CHST11: variants seen among roughly 807,000 people sequenced by gnomAD.
CHST11 encodes the protein C4S-1.
Under a neutral mutation model 30.4 loss-of-function variants are expected in CHST11, and 9 were observed. The observed-to-expected ratio is 0.30, with a 90% confidence interval of 0.18 to 0.52. CHST11 has a LOEUF of 0.52. Ranked by LOEUF, CHST11 falls within the 20% of genes least tolerant of loss-of-function variation. CHST11 has a pLI of 0.97. For missense variants in CHST11, 348 were observed against 460.6 expected, an observed-to-expected ratio of 0.76 and a Z score of 2.24; for synonymous variants, 152 against 187.8, an observed-to-expected ratio of 0.81 and a Z score of 1.56.
intron 1 of CHST11, among the ~76,000 whole-genome samples, chr12:104,472,585 G>A (rs1488137264): frequency 6.6e-6 from 1 of 152,210 alleles, no homozygotes; most frequent in African/African-American, 2.4e-5. Flanking sequence ...GAAGGATTTA[G>A]GGAATTGCTT....
intron 2 of CHST11, among the ~76,000 whole-genome samples, chr12:104,709,362 C>T (rs2040064503): frequency 6.6e-6 from 1 of 152,204 alleles, no homozygotes. Flanking sequence ...TGGCAGGTGG[C>T]TTTGGGGACA....
At chr12:104,698,288 C>G (rs539350459) in intron 2 of CHST11, among the ~76,000 whole-genome samples, 9 of 152,270 alleles carry the variant, frequency 5.9e-5, no homozygotes, top group African/African-American at 2.2e-4. Flanking sequence ...TCTCCACCTC[C>G]TCACCCACAT....
intron 1 of CHST11, among the ~76,000 whole-genome samples, chr12:104,524,912 AT>A (rs1265576119): frequency 2.0e-5 from 3 of 152,178 alleles, no homozygotes; most frequent in Non-Finnish European, 2.9e-5. Context: ...GCATGCAACC[AT>A]TGTAACACTT....
chr12:104,689,339 T>C (rs1026973835), intron 2 of CHST11, among the ~76,000 whole-genome samples: 1 of 152,222 alleles, frequency 6.6e-6, no homozygotes, highest in Non-Finnish European at 1.5e-5. Context: ...GCTTTTTCCA[T>C]GGCCAAGGAT....
chr12:104,540,208 T>C (rs1361034373), intron 1 of CHST11, among the ~76,000 whole-genome samples: 4 of 152,152 alleles, frequency 2.6e-5, no homozygotes, highest in East Asian at 1.9e-4. Flanking sequence ...GTGGAACCCA[T>C]GAATGTGGAA....
At chr12:104,525,106 CTTT>C (rs36113644) in intron 1 of CHST11, among the ~76,000 whole-genome samples, 12 of 139,878 alleles carry the variant, frequency 8.6e-5, no homozygotes, top group South Asian at 2.3e-4. Context: ...TTTTTTCTTT[CTTT>C]TTTTTTTTTT....
chr12:104,568,659 T>A (rs1289669610), intron 1 of CHST11, among the ~76,000 whole-genome samples: 1 of 152,184 alleles, frequency 6.6e-6, no homozygotes, highest in African/African-American at 2.4e-5. Flanking sequence ...TAATGTGGCT[T>A]GTATTTATCA....
rs73388122 is a variant in CHST11, at chr12:104,640,987, G to T, written c.204+38996G>T. ...ATACCCCAGGCTCAGCCAACAGAGA[G>T]GGGAGAAGCAGCTGGACATTGGAGA... On this transcript the variant is annotated intron_variant, in intron 2 of 2. Transcript: ENST00000303694. Among the ~76,000 whole-genome samples the T allele has an allele frequency of 3.7e-3, 570 of 152,302 alleles. 5 individuals are homozygous for T. The highest frequency in any genetic ancestry group is 0.013 in the African/African-American group (533 of 41,566).
intron 2 of CHST11, among the ~76,000 whole-genome samples, chr12:104,692,274 A>G (rs1214003556): frequency 6.6e-6 from 1 of 152,200 alleles, no homozygotes; most frequent in Non-Finnish European, 1.5e-5. Flanking sequence ...TGGCCAGCTC[A>G]TCCTCACTCT....
intron 2 of CHST11, among the ~76,000 whole-genome samples, chr12:104,607,309 T>G (rs1002017911): frequency 6.6e-6 from 1 of 152,146 alleles, no homozygotes; most frequent in Non-Finnish European, 1.5e-5. Context: ...GTCCAAAGGT[T>G]GTTGGGGCAG....
At chr12:104,724,520 G>A (rs534185549) in intron 2 of CHST11, among the ~76,000 whole-genome samples, 5 of 152,038 alleles carry the variant, frequency 3.3e-5, no homozygotes, top group East Asian at 1.9e-4. Context: ...TGCCCATGTC[G>A]CTACCTAGGG....
chr12:104,539,024 C>T (rs1382964202), intron 1 of CHST11, among the ~76,000 whole-genome samples: 1 of 152,192 alleles, frequency 6.6e-6, no homozygotes, highest in Non-Finnish European at 1.5e-5. Context: ...AGAGAGTTGT[C>T]GTGCCCAGAG....
At chr12:104,755,821 A>C (rs2136148918) in intron 2 of CHST11, among the ~76,000 whole-genome samples, 1 of 152,242 alleles carries the variant, frequency 6.6e-6, no homozygotes, top group African/African-American at 2.4e-5. Flanking sequence ...AGTTTATACC[A>C]GCAGAGATTG....
intron 2 of CHST11, among the ~76,000 whole-genome samples, chr12:104,695,446 AGTGT>A (rs67943103): frequency 0.035 from 5,189 of 149,046 alleles, 122 homozygotes; most frequent in African/African-American, 0.062. Flanking sequence ...CAACACAATG[AGTGT>A]GTGTGTGTGT....
At chr12:104,637,433 A>G (rs1490265814) in intron 2 of CHST11, among the ~76,000 whole-genome samples, 1 of 151,750 alleles carries the variant, frequency 6.6e-6, no homozygotes, top group African/African-American at 2.4e-5. Context: ...ACATGTATAC[A>G]TATGTAACAA....
At chr12:104,642,581 G>A (rs910484564) in intron 2 of CHST11, among the ~76,000 whole-genome samples, 2 of 151,846 alleles carry the variant, frequency 1.3e-5, no homozygotes, top group Non-Finnish European at 2.9e-5. Flanking sequence ...TTGTATTTTT[G>A]TAGAGATGGG....
chr12:104,641,880 T>C (rs995201581), intron 2 of CHST11, among the ~76,000 whole-genome samples: 2 of 152,180 alleles, frequency 1.3e-5, no homozygotes, highest in Non-Finnish European at 2.9e-5. Flanking sequence ...TCTAGGAGTT[T>C]ATCCTAAAGC....
chr12:104,711,078 G>A lies in CHST11; in HGVS notation c.205-45871G>A, dbSNP rs79655572. On this transcript the variant is annotated intron_variant, in intron 2 of 2. Transcript: ENST00000303694. ...CCTGTTGCAATTATCAAATATTTGC[G>A]TGGGGGGTGTATATTCTTTCTTCTT... Among the ~76,000 whole-genome samples the A allele has an allele frequency of 3.6e-3, 542 of 152,150 alleles. 5 individuals are homozygous for A. Among genetic ancestry groups the A allele is most frequent in the African/African-American group, 0.013 (525 of 41,458 alleles).
At chr12:104,753,262 C>T (rs1276417891) in intron 2 of CHST11, among the ~76,000 whole-genome samples, 2 of 152,216 alleles carry the variant, frequency 1.3e-5, no homozygotes, top group Admixed American at 6.5e-5. Flanking sequence ...TCCACGTTCT[C>T]ATTCATGTGT....
Sources: gnomAD v4.1 joint callset for allele counts (sites outside exome capture counted in the v4.1 genomes callset) on GRCh38, gnomAD v4.1.1 for gene constraint, MANE v1.5 for transcripts, NCBI Gene and HGNC (gene_info 2026-07-23, HGNC 2026-07-21) for gene names.